SYNE1: variants seen among roughly 807,000 people sequenced by gnomAD.
SYNE1 encodes nesprin-1.
Under a neutral mutation model 1,111.0 loss-of-function variants are expected in SYNE1, and 616 were observed. That is an observed-to-expected ratio of 0.55 (90% CI 0.52 to 0.59). The LOEUF is 0.59. Among genes scored for constraint, SYNE1 ranks in the 20% least tolerant of loss-of-function variants. The pLI is 0.00. For synonymous variants in SYNE1, 3,855 were observed against 3,825.8 expected (o/e 1.01, Z -0.28); for missense variants, 10,006 against 10,417.0 (o/e 0.96, Z 1.72).
In SYNE1 at chr6:152,499,768, A is replaced by C. The variant is rs73782846; in HGVS notation, c.889-976T>G. 3.8e-3 allele frequency among the ~76,000 whole-genome samples: 571 copies of C among 152,246 alleles called. 7 individuals carry two copies. Among genetic ancestry groups the C allele is most frequent in the African/African-American group, 0.013 (542 of 41,548 alleles). On this transcript the variant is annotated intron_variant, in intron 10 of 145. Coordinates refer to ENST00000367255, the MANE Select transcript of SYNE1 (RefSeq NM_182961.4). Reference sequence around the variant, plus strand: ...TAAAAAAGGGCGAAGCTTCCAATACATTTTCCTCAAAATTAATTTTTGAGA... The same window carrying C: ...TAAAAAAGGGCGAAGCTTCCAATACCTTTTCCTCAAAATTAATTTTTGAGA...
chr6:152,138,374 G>A (rs2057574023), intron 140 of SYNE1, among the ~76,000 whole-genome samples: 2 of 152,048 alleles, frequency 1.3e-5, no homozygotes, highest in South Asian at 4.2e-4. Context: ...AGCCGGGCAT[G>A]GTGGTGCATG....
intron 98 of SYNE1, among the ~76,000 whole-genome samples, chr6:152,276,196 G>A (rs370086866): frequency 3.9e-4 from 59 of 151,566 alleles, no homozygotes; most frequent in East Asian, 3.3e-3. Context: ...CACCACACCC[G>A]GCTAATTTTT....
At chr6:152,560,450 T>C (rs1034398373) in intron 3 of SYNE1, among the ~76,000 whole-genome samples, 2 of 152,000 alleles carry the variant, frequency 1.3e-5, no homozygotes, top group African/African-American at 4.8e-5. Flanking sequence ...TAAGAAAAAA[T>C]CTTTCAACAA....
At chr6:152,539,920 C>T in intron 4 of SYNE1, 40 bp downstream of exon 4, 1 of 1,603,570 alleles carries the variant, frequency 6.2e-7, no homozygotes, top group Non-Finnish European at 8.5e-7. Flanking sequence ...TTTACTGGCT[C>T]AACCTAAGTA....
At chr6:152,511,690 G>C in intron 6 of SYNE1, 1 of 1,234,598 alleles carries the variant, frequency 8.1e-7, no homozygotes, top group South Asian at 1.2e-5. Flanking sequence ...TAGGTAGTCA[G>C]TTTAGAACCT....
chr6:152,596,431 G>A (rs1383029267), intron 3 of SYNE1, among the ~76,000 whole-genome samples: 1 of 151,726 alleles, frequency 6.6e-6, no homozygotes, highest in African/African-American at 2.4e-5. Context: ...AATTTTTGTA[G>A]TTTTAGTAGA....
At position 152,334,098 on chromosome 6, in the gene SYNE1, T is replaced by A. The variant is rs964082904; in HGVS notation, c.12704A>T (p.Asp4235Val). 1 of 1,614,210 alleles carries A rather than the reference T, an allele frequency of 6.2e-7. No homozygotes were observed. Among genetic ancestry groups the A allele is most frequent in the Non-Finnish European group, 8.5e-7 (1 of 1,180,038 alleles). ...SNNLCLQREE[D>V]LQRTRDYHDC... ...ATGGTAATCTCTTGTTCTCTGAAGA[T>A]CCTCTTCCCTTTGCAAGCACAGGTT... The change falls in exon 77 of 146, where the codon GAT becomes GTT. Residue 4235 changes from aspartate (D) to valine (V), a missense_variant. Physicochemically the swap from Asp to Val is radical, Grantham distance 152. Around this residue, in one of 7 missense-constraint regions of SYNE1, gnomAD observed 4,955 missense variants for 5,017.2 expected, o/e 0.99. Transcript: ENST00000367255.
rs1340457744 is a variant in SYNE1 at position 152,213,615 on chromosome 6, G to C, written c.22491C>G (p.His7497Gln). The C allele has an allele frequency of 2.5e-6, 4 of 1,613,956 alleles. No individual in the cohort carries two copies. The highest frequency in any genetic ancestry group is 2.5e-6 in the Non-Finnish European group (3 of 1,179,946). ...YQHLLEQQRA[H>Q]ELFQAEMFSR... ...CAAATCTACTGATACAACTTACCTC[G>C]TGTGCTCTCTGCTGTTCCAAAAGGT... Residue 7497 changes from histidine (H) to glutamine (Q), a missense_variant, in exon 123 of 146, where the codon CAC becomes CAG. By Grantham distance (24) the His-to-Gln change is conservative. Transcript: ENST00000367255.
chr6:152,429,080 T>C (rs2098402807), intron 36 of SYNE1, among the ~76,000 whole-genome samples: 1 of 122,914 alleles, frequency 8.1e-6, no homozygotes, highest in South Asian at 3.0e-4. Flanking sequence ...ACTGTCTATC[T>C]CAATAGTAAT....
At position 152,453,639 on chromosome 6, in the gene SYNE1, G is replaced by T. The variant is rs769863065; in HGVS notation, c.2974C>A (p.Gln992Lys). Reference protein sequence around the residue: ...CDELTDILPEQEQQGLQEAVR... With the variant: ...CDELTDILPEKEQQGLQEAVR... ...GCTTCCTGCAGCCCCTGCTGCTCCT[G>T]CTCTGGAAGGATGTCGGTGAGTTCA... The change falls in exon 25 of 146, where the codon CAG becomes AAG. Residue 992 changes from glutamine to lysine, a missense_variant. Transcript: ENST00000367255. 30 of 1,614,046 alleles carry T rather than the reference G, an allele frequency of 1.9e-5. No individual in the cohort carries two copies. Among genetic ancestry groups the T allele is most frequent in the Non-Finnish European group, 2.5e-5 (30 of 1,180,042 alleles).
At chr6:152,400,740 A>C (rs17082630) in intron 47 of SYNE1, among the ~76,000 whole-genome samples, 12,487 of 152,232 alleles carry the variant, frequency 0.082, 1,051 homozygotes, top group African/African-American at 0.21. Context: ...AATATACATT[A>C]TCTGGATGAA....
chr6:152,240,164 G>A (rs2085239522), intron 107 of SYNE1, among the ~76,000 whole-genome samples: 2 of 152,118 alleles, frequency 1.3e-5, no homozygotes, highest in Non-Finnish European at 2.9e-5. Flanking sequence ...ACTAGGACCA[G>A]GTGTACAAAG....
At chr6:152,129,817 T>C (rs2054897651) in intron 145 of SYNE1, among the ~76,000 whole-genome samples, 1 of 152,100 alleles carries the variant, frequency 6.6e-6, no homozygotes, top group Admixed American at 6.6e-5. Context: ...TCCTGCTCAG[T>C]GGTGATAAGT....
At chr6:152,476,242 C>T (rs568337109) in intron 14 of SYNE1, among the ~76,000 whole-genome samples, 134 of 152,324 alleles carry the variant, frequency 8.8e-4, no homozygotes, top group African/African-American at 3.0e-3. Flanking sequence ...AAAGACTCAA[C>T]ATGCCCCAAG....
intron 119 of SYNE1, 81 bp downstream of exon 119, chr6:152,220,761 C>T (rs1369208323): frequency 3.1e-5 from 40 of 1,310,326 alleles, no homozygotes; most frequent in Non-Finnish European, 4.4e-5. Flanking sequence ...AAAGACATAC[C>T]AAAGCTTACA....
intron 77 of SYNE1, among the ~76,000 whole-genome samples, chr6:152,333,064 T>C (rs1395648997): frequency 1.3e-5 from 2 of 152,220 alleles, no homozygotes; most frequent in African/African-American, 4.8e-5. Flanking sequence ...CCCACTATGA[T>C]TTCATGATAT....
At chr6:152,135,654 TAC>T (rs1487599309) in intron 141 of SYNE1, among the ~76,000 whole-genome samples, 1 of 152,226 alleles carries the variant, frequency 6.6e-6, no homozygotes, top group African/African-American at 2.4e-5. Flanking sequence ...TTATTCAACA[TAC>T]AGTTACTAAA....
At chr6:152,290,775 C>T (rs951088624) in intron 95 of SYNE1, among the ~76,000 whole-genome samples, 1 of 152,066 alleles carries the variant, frequency 6.6e-6, no homozygotes, top group Non-Finnish European at 1.5e-5. Context: ...TACTGGACTT[C>T]CTCACACCCA....
intron 104 of SYNE1, among the ~76,000 whole-genome samples, chr6:152,254,297 G>C (rs1309913074): frequency 1.6e-5 from 2 of 122,856 alleles, no homozygotes; most frequent in Non-Finnish European, 3.1e-5. Flanking sequence ...TGTCACCTAG[G>C]CTGGAGTGCA....
Sources: gnomAD v4.1 joint callset for allele counts (sites outside exome capture counted in the v4.1 genomes callset) on GRCh38, gnomAD v4.1.1 for gene constraint, gnomAD v4.1.1 regional missense constraint, MANE v1.5 for transcripts, NCBI Gene and HGNC (gene_info 2026-07-23, HGNC 2026-07-21) for gene names.